Variants in DLC1 observed in about 807,000 individuals in gnomAD.
The protein encoded by DLC1 is rho GTPase-activating protein 7.
DLC1 carries 54 observed loss-of-function variants against 140.3 expected under a neutral mutation model. The ratio of observed to expected loss-of-function variants is 0.38; its 90% CI spans 0.31 to 0.48. The LOEUF (loss-of-function observed/expected upper bound fraction) is 0.48. Among genes scored for constraint, DLC1 ranks in the 20% least tolerant of loss-of-function variants. The probability of loss-of-function intolerance (pLI) is 0.96; values close to 1 mark genes in which losing one functional copy is unlikely to be tolerated. For synonymous variants in DLC1, 986 were observed against 728.1 expected (o/e 1.35, Z -5.70); for missense variants, 2,536 against 1,907.0 (o/e 1.33, Z -6.14).
chr8:13,499,125 A>G lies in DLC1; in HGVS notation c.947T>C (p.Met316Thr), dbSNP rs1218581913. ...SPPKVKAEDG[M>T]QCLQLKETLA... is the part of the protein sequence containing the mutation. The stretch of plus-strand genomic sequence containing the variant: ...GGTCTCCTTTAATTGTAAACACTGC[A>G]TGCCATCTTCTGCCTTGACCTTTGG... The change falls in exon 2 of 18, where the codon ATG (methionine) becomes ACG (threonine). Residue 316 changes from methionine to threonine, a missense_variant. Coordinates refer to ENST00000276297, the MANE Select transcript of DLC1 (RefSeq NM_182643.3). 1.2e-6 allele frequency: 2 copies of G among 1,614,068 alleles called. No homozygotes were observed. The highest frequency in any genetic ancestry group is 1.7e-5 in the Admixed American group (1 of 60,002).
At chr8:13,332,269 A>G (rs1293949815) in intron 4 of DLC1, among the ~76,000 whole-genome samples, 1 of 152,180 alleles carries the variant, frequency 6.6e-6, no homozygotes, top group African/African-American at 2.4e-5. Context: ...TTTTATAAAG[A>G]TTGGTTCCTG....
Position 13,306,895 on chromosome 8 carries a change from C to G in DLC1, c.1315-1593G>C, listed in dbSNP as rs1169358990. On this transcript the variant is annotated intron_variant, in intron 4 of 17. Transcript: ENST00000276297. ...GGTCAGGAGATCGAGACCAGCCTGA[C>G]TAGCATGGTGAAACCCCGCCTCTAC... 5.9e-5 allele frequency among the ~76,000 whole-genome samples: 9 copies of G among 151,486 alleles called. No individual in the cohort carries two copies. In the East Asian group the frequency reaches 1.8e-3, roughly 30 times the overall value.
intron 2 of DLC1, among the ~76,000 whole-genome samples, chr8:13,409,098 G>A (rs894283305): frequency 1.3e-5 from 2 of 151,684 alleles, no homozygotes; most frequent in African/African-American, 4.8e-5. Flanking sequence ...CAGCCCACTG[G>A]CCTCCGAATG....
intron 5 of DLC1, among the ~76,000 whole-genome samples, chr8:13,303,725 C>G (rs1832303779): frequency 6.6e-6 from 1 of 152,114 alleles, no homozygotes; most frequent in Non-Finnish European, 1.5e-5. Flanking sequence ...TGGCTTGAAT[C>G]TGGGAGGTGG....
At chr8:13,221,340 G>A (rs1357603608) in intron 5 of DLC1, among the ~76,000 whole-genome samples, 2 of 151,506 alleles carry the variant, frequency 1.3e-5, no homozygotes, top group African/African-American at 4.9e-5. Context: ...TTACTCAACA[G>A]GAAAAATTGC....
chr8:13,090,499 G>A, intron 14 of DLC1, 29 bp from the exon 15 acceptor site: 11 of 1,610,820 alleles, frequency 6.8e-6, no homozygotes, highest in Non-Finnish European at 9.3e-6. Flanking sequence ...ACAGAAAGGA[G>A]GTGAGTCCAC....
At chr8:13,232,942 C>T (rs1046011669) in intron 5 of DLC1, among the ~76,000 whole-genome samples, 2 of 152,080 alleles carry the variant, frequency 1.3e-5, no homozygotes, top group Non-Finnish European at 2.9e-5. Flanking sequence ...TAATCAATAA[C>T]ATTTTTGGAA....
intron 6 of DLC1, 60 bp downstream of exon 6, chr8:13,115,526 T>C: frequency 1.4e-6 from 2 of 1,443,452 alleles, no homozygotes; most frequent in Non-Finnish European, 1.9e-6. Context: ...AGATCAGTAA[T>C]ACTCGCGAAC....
chr8:13,257,134 C>T (rs1469886909), intron 5 of DLC1, among the ~76,000 whole-genome samples: 1 of 151,994 alleles, frequency 6.6e-6, no homozygotes, highest in African/African-American at 2.4e-5. Context: ...AAATAGTTGT[C>T]CATGGTGGTC....
At chr8:13,246,079 T>G (rs1220071117) in intron 5 of DLC1, among the ~76,000 whole-genome samples, 1 of 152,138 alleles carries the variant, frequency 6.6e-6, no homozygotes, top group Non-Finnish European at 1.5e-5. Flanking sequence ...ACCAGGGTGG[T>G]GGTCCTGAGA....
Position 13,601,163 on chromosome 8 carries a change from G to A in DLC1, c.-126+3374C>T, listed in dbSNP as rs564559863. On this transcript the variant is annotated intron_variant, in intron 1 of 1. Transcript: ENST00000631382. ...GCAGTTCTAACATAATACTCAGTCT[G>A]CGGTGTCAAGGAGTTCTAATACAAT... Among the ~76,000 whole-genome samples the A allele has an allele frequency of 2.0e-5, 3 of 151,768 alleles. 1 individual carries two copies. The South Asian group carries it at 6.2e-4, about 31-fold the overall frequency.
chr8:13,538,564 C>T (rs990668519), intron 1 of DLC1, among the ~76,000 whole-genome samples: 3 of 152,054 alleles, frequency 2.0e-5, no homozygotes, highest in Non-Finnish European at 4.4e-5. Context: ...AGTCTTTACC[C>T]AGTTAAGTGA....
chr8:13,286,468 TA>T (rs1375747718), intron 5 of DLC1, among the ~76,000 whole-genome samples: 1 of 152,022 alleles, frequency 6.6e-6, no homozygotes, highest in Non-Finnish European at 1.5e-5. Flanking sequence ...GAATCATTAT[TA>T]GTATCAGTTC....
At chr8:13,213,464 T>C (rs1267420193) in intron 5 of DLC1, among the ~76,000 whole-genome samples, 1 of 152,222 alleles carries the variant, frequency 6.6e-6, no homozygotes, top group Non-Finnish European at 1.5e-5. Context: ...TACAGAATCT[T>C]GAAAAGATGT....
chr8:13,358,110 G>C (rs1328391616), intron 4 of DLC1, among the ~76,000 whole-genome samples: 2 of 152,024 alleles, frequency 1.3e-5, no homozygotes, highest in Non-Finnish European at 2.9e-5. Flanking sequence ...CTGCTATTCT[G>C]TTTTGCTTTA....
chr8:13,465,677 T>C (rs1368723459), intron 2 of DLC1, among the ~76,000 whole-genome samples: 1 of 152,198 alleles, frequency 6.6e-6, no homozygotes, highest in Non-Finnish European at 1.5e-5. Context: ...TGTCATTTTA[T>C]TTTAAAAAAT....
intron 5 of DLC1, among the ~76,000 whole-genome samples, chr8:13,272,442 GCAAA>G (rs536605053): frequency 2.0e-4 from 31 of 152,030 alleles, no homozygotes; most frequent in African/African-American, 6.5e-4. Flanking sequence ...CTCTGTCTCA[GCAAA>G]CAAACAAACA....
chr8:13,543,147 G>A (rs985939756), intron 1 of DLC1, among the ~76,000 whole-genome samples: 1 of 152,030 alleles, frequency 6.6e-6, no homozygotes, highest in African/African-American at 2.4e-5. Flanking sequence ...TTGGTATTTA[G>A]CAAATATTTA....
intron 5 of DLC1, among the ~76,000 whole-genome samples, chr8:13,194,102 T>G (rs1260939695): frequency 1.3e-5 from 2 of 152,224 alleles, no homozygotes; most frequent in Non-Finnish European, 2.9e-5. Flanking sequence ...AAATCTGCAT[T>G]CGCTACCCAC....
Sources: gnomAD v4.1 joint callset for allele counts (sites outside exome capture counted in the v4.1 genomes callset) on GRCh38, gnomAD v4.1.1 for gene constraint, MANE v1.5 for transcripts, NCBI Gene and HGNC (gene_info 2026-07-23, HGNC 2026-07-21) for gene names.